Variants in FAM240A observed in about 807,000 individuals in gnomAD.
FAM240A encodes family with sequence similarity 240 member A, also known as protein FAM240A.
In FAM240A, 8 loss-of-function variants were observed where a neutral mutation model predicts 7.3. The observed-to-expected ratio is 1.09, with a 90% confidence interval of 0.64 to 1.97. FAM240A has a LOEUF of 1.97. Among genes scored for constraint, FAM240A ranks in the 30% most tolerant of loss-of-function variants. FAM240A has a pLI of 0.00. For missense variants in FAM240A, 90 were observed against 102.2 expected (o/e 0.88, Z 0.52); for synonymous variants, 32 against 35.9 (o/e 0.89, Z 0.38).
chr3:46,613,754 G>A (rs982829754), intron 1 of FAM240A, among the ~76,000 whole-genome samples: 2 of 152,066 alleles, frequency 1.3e-5, no homozygotes, highest in Admixed American at 6.6e-5. Context: ...CCAAACCCTC[G>A]GCCAGGTCAG....
chr3:46,622,765 G>C (rs1697712107), intron 2 of FAM240A, among the ~76,000 whole-genome samples: 1 of 152,148 alleles, frequency 6.6e-6, no homozygotes, highest in Admixed American at 6.5e-5. Flanking sequence ...ACACTGCTTT[G>C]ATTACTTAGG....
At chr3:46,621,767 G>A (rs1697697124) in intron 2 of FAM240A, among the ~76,000 whole-genome samples, 1 of 94,758 alleles carries the variant, frequency 1.1e-5, no homozygotes, top group Admixed American at 9.6e-5. Context: ...CAGAGACCCC[G>A]CCTTCTCAAA....
At chr3:46,617,089 T>G in intron 1 of FAM240A, 94 bp from the exon 2 acceptor site, 1 of 838,090 alleles carries the variant, frequency 1.2e-6, no homozygotes, top group Non-Finnish European at 1.8e-6. Flanking sequence ...AGGTATCTCA[T>G]TGTGGTTTTA....
intron 2 of FAM240A, among the ~76,000 whole-genome samples, chr3:46,617,893 G>A (rs958742692): frequency 8.5e-5 from 13 of 152,166 alleles, no homozygotes; most frequent in East Asian, 1.9e-4. Flanking sequence ...TGAGTCTGCC[G>A]AGCAGTGGAG....
intron 1 of FAM240A, among the ~76,000 whole-genome samples, chr3:46,616,690 TACACACACACACACACAC>T (rs3087116): frequency 7.0e-6 from 1 of 143,550 alleles, no homozygotes; most frequent in Non-Finnish European, 1.5e-5. Context: ...AGTATTCCAT[TACACACACACACACACAC>T]ACACACACAC....
intron 2 of FAM240A, among the ~76,000 whole-genome samples, chr3:46,619,685 T>G (rs1427754996): frequency 6.6e-6 from 1 of 152,174 alleles, no homozygotes; most frequent in African/African-American, 2.4e-5. Context: ...GCAGATGTCT[T>G]GGCATGCTGG....
At position 46,620,298 on chromosome 3, in the gene FAM240A, G is replaced by T. The variant is rs536415190; in HGVS notation, c.161+2970G>T. Among the ~76,000 whole-genome samples the T allele has an allele frequency of 2.9e-4, 42 of 142,468 alleles. 1 individual carries two copies. Among genetic ancestry groups the T allele is most frequent in the African/African-American group, 1.1e-3 (41 of 37,192 alleles). 93.5% of individuals were successfully genotyped at this position (142,468 alleles called of 152,430 possible). ...TCTCTCCTGGACTACAGCTCCTGCT[G>T]CAGAGCCCCTCCCCCATGACTCCAG... is the stretch of plus-strand genomic sequence containing the variant. On this transcript the variant is annotated intron_variant, in intron 2 of 2. Coordinates refer to ENST00000640551, the MANE Select transcript of FAM240A (RefSeq NM_001195442.2).
chr3:46,612,923 A>T (rs537537366), intron 1 of FAM240A, among the ~76,000 whole-genome samples: 7 of 152,318 alleles, frequency 4.6e-5, no homozygotes, highest in African/African-American at 1.4e-4. Context: ...TTCTACTAGG[A>T]GGAGCAGTTG....
intron 2 of FAM240A, among the ~76,000 whole-genome samples, chr3:46,620,863 T>G (rs902758808): frequency 1.3e-5 from 2 of 152,224 alleles, no homozygotes; most frequent in Non-Finnish European, 2.9e-5. Context: ...CTCTGGTTAA[T>G]TTTTTAAGTG....
intron 1 of FAM240A, among the ~76,000 whole-genome samples, chr3:46,614,311 C>T (rs1278004487): frequency 6.6e-6 from 1 of 152,116 alleles, no homozygotes; most frequent in Non-Finnish European, 1.5e-5. Context: ...TTTGAAGCTA[C>T]AAAATTGGTG....
intron 1 of FAM240A, among the ~76,000 whole-genome samples, chr3:46,614,586 A>G (rs1697607665): frequency 6.6e-6 from 1 of 152,208 alleles, no homozygotes; most frequent in African/African-American, 2.4e-5. Flanking sequence ...TGTATCTCCC[A>G]TTTTACACAT....
chr3:46,614,583 C>A (rs1302009199), intron 1 of FAM240A, among the ~76,000 whole-genome samples: 1 of 152,206 alleles, frequency 6.6e-6, no homozygotes, highest in Non-Finnish European at 1.5e-5. Flanking sequence ...ACATGTATCT[C>A]CCATTTTACA....
intron 2 of FAM240A, among the ~76,000 whole-genome samples, chr3:46,622,395 C>T (rs1029446236): frequency 1.3e-5 from 2 of 151,928 alleles, no homozygotes; most frequent in Non-Finnish European, 1.5e-5. Context: ...TGTGAGCCAC[C>T]GCGCCCGGCT....
In FAM240A at chr3:46,625,167, G is replaced by A. The variant is rs1479314539; in HGVS notation, c.201G>A (p.Leu67=). The part of the protein sequence containing the change: ...EEWKQRLETK[L]RLRNNPEDTE... ...GGAAGCAGAGGCTGGAAACAAAGCT[G>A]AGGCTGCGGAACAATCCAGAGGACA... The change falls in exon 3 of 3, where the codon CTG becomes CTA. Residue 67 remains leucine, a synonymous_variant. Coordinates refer to ENST00000640551, the MANE Select transcript of FAM240A (RefSeq NM_001195442.2). 1.3e-6 allele frequency: 2 copies of A among 1,534,602 alleles called. No homozygotes were observed. The highest frequency in any genetic ancestry group is 1.4e-5 in the African/African-American group (1 of 72,982).
chr3:46,619,615 T>A (rs962912040), intron 2 of FAM240A, among the ~76,000 whole-genome samples: 5 of 152,074 alleles, frequency 3.3e-5, no homozygotes, highest in African/African-American at 9.7e-5. Context: ...CTTCTGGGGG[T>A]CCCAGCTTCA....
intron 1 of FAM240A, among the ~76,000 whole-genome samples, chr3:46,613,058 C>A (rs906799929): frequency 2.6e-5 from 4 of 152,348 alleles, no homozygotes; most frequent in Non-Finnish European, 5.9e-5. Flanking sequence ...AGCCAGGGAA[C>A]TTGAACTTCT....
At chr3:46,620,449 C>T (rs1280694737) in intron 2 of FAM240A, among the ~76,000 whole-genome samples, 3 of 149,102 alleles carry the variant, frequency 2.0e-5, no homozygotes, top group Admixed American at 6.7e-5. Context: ...GATCTATAAC[C>T]AGACAGATTT....
chr3:46,612,665 G>T lies in FAM240A; in HGVS notation c.-19G>T, dbSNP rs778278384. 8 of 1,535,174 alleles carry T rather than the reference G, an allele frequency of 5.2e-6. No homozygotes were observed. In the East Asian group the frequency reaches 1.7e-4, roughly 33 times the overall value. On this transcript the variant is annotated 5_prime_UTR_variant, in exon 1 of 3. Coordinates refer to ENST00000640551, the MANE Select transcript of FAM240A (RefSeq NM_001195442.2). ...GCGACACATTTGGTTCGACTGAATCGATGTCTTCACATCCCTTCATGCGGT... is the reference window on the plus strand; with the variant it reads ...GCGACACATTTGGTTCGACTGAATCTATGTCTTCACATCCCTTCATGCGGT...
chr3:46,613,366 C>A (rs1001211508), intron 1 of FAM240A, among the ~76,000 whole-genome samples: 1 of 151,962 alleles, frequency 6.6e-6, no homozygotes, highest in Non-Finnish European at 1.5e-5. Context: ...TGGTAGCAGG[C>A]ACCTGTAATC....
Sources: allele counts gnomAD v4.1 joint callset (sites outside exome capture counted in the v4.1 genomes callset), GRCh38; gene constraint gnomAD v4.1.1; transcripts MANE v1.5; gene names NCBI Gene and HGNC (gene_info 2026-07-23, HGNC 2026-07-21).